The following LUC7L2 variants were observed in gnomAD, a reference collection of about 807,000 sequenced individuals.
The protein encoded by LUC7L2 is LUC7 like 2, pre-mRNA splicing factor.
A neutral mutation model predicts 52.8 loss-of-function variants in LUC7L2; 25 were observed. The ratio of observed to expected loss-of-function variants is 0.47; its 90% confidence interval spans 0.34 to 0.66. The LOEUF is 0.66. LUC7L2 is among the 30% of genes least tolerant of loss of function. LUC7L2 has a pLI of 0.01. For missense variants in LUC7L2, 328 were observed against 497.8 expected (o/e 0.66, Z 3.25); for synonymous variants, 144 against 160.9 (o/e 0.89, Z 0.80).
chr7:139,399,633 C>G (rs1453902190), intron 3 of LUC7L2, among the ~76,000 whole-genome samples: 1 of 151,706 alleles, frequency 6.6e-6, no homozygotes, highest in Non-Finnish European at 1.5e-5. Flanking sequence ...CCACACCCAG[C>G]TAATTTTTTG....
At chr7:139,364,051 G>A (rs1034916147) in intron 1 of LUC7L2, among the ~76,000 whole-genome samples, 8 of 137,770 alleles carry the variant, frequency 5.8e-5, no homozygotes, top group African/African-American at 1.7e-4. Context: ...GCACGATCTC[G>A]GCTCACTGCT....
intron 2 of LUC7L2, among the ~76,000 whole-genome samples, chr7:139,388,711 C>T (rs1330838908): frequency 6.6e-6 from 1 of 150,910 alleles, no homozygotes; most frequent in Non-Finnish European, 1.5e-5. Flanking sequence ...TTGTCCAGAA[C>T]AAGACATTTT....
upstream of LUC7L2, chr7:139,359,243 G>A (rs1425281639): frequency 1.3e-5 from 2 of 152,274 alleles, no homozygotes; most frequent in African/African-American, 4.8e-5. Flanking sequence ...AGTTTTTATG[G>A]TTTCACATTC....
rs764266299 is a variant in LUC7L2 at position 139,422,251 on chromosome 7, C to T, written c.1090C>T (p.Arg364Trp). ...SRDRSPRDRD[R>W]KDKKRSYESA... ...AGACAGATCACCTCGTGACAGAGAT[C>T]GGAAAGATAAGAAGCGGTCCTATGA... is the stretch of plus-strand genomic sequence containing the variant. Residue 364 changes from arginine (R) to tryptophan (W), a missense_variant, in exon 10 of 10, where the codon CGG becomes TGG. By Grantham distance (101) the Arg-to-Trp change is moderately radical. This residue lies in a region of LUC7L2 where 195 missense variants were observed against 223.3 expected (regional missense o/e 0.87). Coordinates refer to ENST00000354926, the MANE Select transcript of LUC7L2 (RefSeq NM_016019.5). The T allele has an allele frequency of 2.0e-5, 33 of 1,614,020 alleles. No homozygotes were observed. The highest frequency in any genetic ancestry group is 1.6e-4 in the Middle Eastern group (1 of 6,084).
At chr7:139,371,433 A>G in intron 1 of LUC7L2, 1 of 1,513,254 alleles carries the variant, frequency 6.6e-7, no homozygotes, top group Non-Finnish European at 9.0e-7. Flanking sequence ...CTCACAGCTT[A>G]AAAAAATACA....
intron 2 of LUC7L2, among the ~76,000 whole-genome samples, chr7:139,388,516 G>A (rs775871065): frequency 5.9e-5 from 9 of 151,764 alleles, no homozygotes; most frequent in Non-Finnish European, 1.0e-4. Flanking sequence ...GTCAGACTCC[G>A]TGTTCTTGTG....
At position 139,417,448 on chromosome 7, in the gene LUC7L2, A is replaced by G. The variant is rs184115822; in HGVS notation, c.810-90A>G. ...AATATAATTGACATTAAGACTACTG[A>G]AAAAAAGTTTCTCTTTAAAGAAAAG... On this transcript the variant is annotated intron_variant, in intron 8 of 9. Coordinates refer to ENST00000354926, the MANE Select transcript of LUC7L2 (RefSeq NM_016019.5). 175 of 1,502,492 alleles carry G rather than the reference A, an allele frequency of 1.2e-4. No homozygotes were observed. In the East Asian group the frequency reaches 3.8e-3, roughly 33 times the overall value. The allele number at this position is 1,502,492 out of a possible 1,614,324, so 93.1% of individuals were successfully genotyped here.
intron 2 of LUC7L2, among the ~76,000 whole-genome samples, chr7:139,396,654 C>A (rs563919524): frequency 5.3e-5 from 8 of 152,144 alleles, no homozygotes; most frequent in African/African-American, 1.7e-4. Context: ...TTCTCATATT[C>A]CTTTTGAAAT....
At chr7:139,386,075 T>C (rs1008775495) in intron 2 of LUC7L2, among the ~76,000 whole-genome samples, 1 of 152,142 alleles carries the variant, frequency 6.6e-6, no homozygotes, top group African/African-American at 2.4e-5. Flanking sequence ...CAATCTTGGC[T>C]CACTGCAGCC....
chr7:139,368,399 A>G (rs962883851), intron 1 of LUC7L2, among the ~76,000 whole-genome samples: 3 of 152,250 alleles, frequency 2.0e-5, no homozygotes, highest in Admixed American at 6.5e-5. Context: ...AAGCATCTGT[A>G]TGATTGAACA....
chr7:139,390,215 GTCTC>G (rs5887929), intron 2 of LUC7L2, among the ~76,000 whole-genome samples: 10,697 of 148,750 alleles, frequency 0.072, 499 homozygotes, highest in East Asian at 0.14. Flanking sequence ...CCAGTGCCCA[GTCTC>G]TCTCTCTCTC....
intron 1 of LUC7L2, among the ~76,000 whole-genome samples, chr7:139,344,129 T>G (rs962299201): frequency 6.6e-6 from 1 of 151,968 alleles, no homozygotes; most frequent in African/African-American, 2.4e-5. Flanking sequence ...TTAAGTATGA[T>G]GAAGAAAAAA....
At chr7:139,410,062 C>T (rs1795288601) in intron 7 of LUC7L2, among the ~76,000 whole-genome samples, 3 of 152,218 alleles carry the variant, frequency 2.0e-5, no homozygotes, top group Non-Finnish European at 2.9e-5. Flanking sequence ...AAAAAATTAG[C>T]TGGGCGAGGT....
rs1585145470 is a variant in LUC7L2, at chr7:139,422,511, TAA to T, written c.*174_*175del. The T allele has an allele frequency of 7.9e-6, 10 of 1,266,636 alleles. No individual in the cohort carries two copies. In the East Asian group the frequency reaches 2.8e-4, roughly 36 times the overall value. 78.5% of individuals were successfully genotyped at this position (1,266,636 alleles called of 1,614,324 possible). ...TGAACCTGTTTTCCTTGATGATGCC[TAA>T]AACTACATCCATAGTTTCTGGTGAA... is the stretch of plus-strand genomic sequence containing the variant. On this transcript the variant is annotated 3_prime_UTR_variant, in exon 10 of 10. Transcript: ENST00000354926.
At chr7:139,363,371 A>T (rs1799979156) in intron 1 of LUC7L2, 3 of 398,834 alleles carry the variant, frequency 7.5e-6, no homozygotes, top group Non-Finnish European at 1.0e-5. Flanking sequence ...ATAAGGCATC[A>T]TGGGCTAAGG....
At chr7:139,353,501 A>AT (rs202032003) in intron 1 of LUC7L2, among the ~76,000 whole-genome samples, 37 of 151,104 alleles carry the variant, frequency 2.4e-4, no homozygotes, top group East Asian at 5.8e-4. Context: ...ACATACAGAG[A>AT]TTTTTTTTTT....
intron 4 of LUC7L2, among the ~76,000 whole-genome samples, chr7:139,403,322 G>A (rs1794996366): frequency 6.6e-6 from 1 of 150,690 alleles, no homozygotes; most frequent in African/African-American, 2.4e-5. Flanking sequence ...TATTGCATTT[G>A]TTGATGACTT....
intron 5 of LUC7L2, among the ~76,000 whole-genome samples, chr7:139,406,060 TG>T (rs1183560020): frequency 2.0e-5 from 3 of 152,172 alleles, no homozygotes; most frequent in African/African-American, 7.2e-5. Context: ...TTCTTCTTTT[TG>T]TTTTTTTGAG....
At chr7:139,376,875 A>G (rs1177548903) in intron 2 of LUC7L2, among the ~76,000 whole-genome samples, 1 of 152,240 alleles carries the variant, frequency 6.6e-6, no homozygotes. Context: ...CTCATTTGCC[A>G]GAAATGACTG....
Sources: gnomAD v4.1 joint callset for allele counts (sites outside exome capture counted in the v4.1 genomes callset) on GRCh38, gnomAD v4.1.1 for gene constraint, gnomAD v4.1.1 regional missense constraint, MANE v1.5 for transcripts, NCBI Gene and HGNC (gene_info 2026-07-23, HGNC 2026-07-21) for gene names.